SPPL3: variants seen among roughly 807,000 people sequenced by gnomAD.
SPPL3 encodes the protein signal peptide peptidase-like 3.
SPPL3 carries 5 observed loss-of-function variants against 42.4 expected under a neutral mutation model. The observed-to-expected ratio is 0.12, with a 90% confidence interval of 0.06 to 0.25. The LOEUF (loss-of-function observed/expected upper bound fraction) is 0.25, where lower values mean the gene tolerates loss of function less well. SPPL3 is among the 10% of genes least tolerant of loss of function. SPPL3 has a pLI of 1.00. For missense variants in SPPL3, 235 were observed against 489.0 expected, an observed-to-expected ratio of 0.48 and a Z score of 4.90; for synonymous variants, 195 against 181.8, an observed-to-expected ratio of 1.07 and a Z score of -0.58.
chr12:120,842,210 T>C (rs1356243956), intron 1 of SPPL3, among the ~76,000 whole-genome samples: 3 of 152,156 alleles, frequency 2.0e-5, no homozygotes, highest in East Asian at 1.9e-4. Context: ...ATTTTTTAGG[T>C]AGATAAGAAG....
At chr12:120,819,275 G>T (rs1392387461) in intron 1 of SPPL3, among the ~76,000 whole-genome samples, 2 of 152,028 alleles carry the variant, frequency 1.3e-5, no homozygotes, top group Non-Finnish European at 2.9e-5. Flanking sequence ...CCTGAACTTT[G>T]TGTGAATCTT....
intron 7 of SPPL3, 126 bp from the exon 8 acceptor site, chr12:120,768,614 T>G: frequency 8.9e-7 from 1 of 1,125,964 alleles, no homozygotes. Context: ...GTTGACTGTA[T>G]GATTTGAGAA....
At chr12:120,894,239 A>T (rs200319719) in intron 1 of SPPL3, among the ~76,000 whole-genome samples, 4 of 152,130 alleles carry the variant, frequency 2.6e-5, no homozygotes, top group African/African-American at 9.7e-5. Context: ...CAGGAGAATC[A>T]CTTGAACCCG....
In SPPL3 at chr12:120,763,876, AAAAAAAAATAC is replaced by A. The variant is rs1293149849; in HGVS notation, c.*1112_*1122del. ...GCACACCAATGAAACAAAATGTCAAAAAAAAAAATACAAAAAAATAGAAAATAGAAAAATGT... is the reference window on the plus strand; with the variant it reads ...GCACACCAATGAAACAAAATGTCAAAAAAAAAATAGAAAATAGAAAAATGT... On this transcript the variant is annotated 3_prime_UTR_variant, in exon 11 of 11. Coordinates refer to ENST00000353487, the MANE Select transcript of SPPL3 (RefSeq NM_139015.5). 5.5e-5 allele frequency: 2 copies of A among 36,350 alleles called. No individual in the cohort carries two copies. The highest frequency in any genetic ancestry group is 1.8e-4 in the African/African-American group (2 of 10,918). 2.3% of individuals were successfully genotyped at this position (36,350 alleles called of 1,614,324 possible).
chr12:120,851,821 C>CTT (rs996158088), intron 1 of SPPL3, among the ~76,000 whole-genome samples: 5 of 152,148 alleles, frequency 3.3e-5, no homozygotes. Context: ...CTAGGCTGGA[C>CTT]TTGAACTCCT....
chr12:120,796,968 GA>G (rs772202495), intron 2 of SPPL3, among the ~76,000 whole-genome samples: 31 of 152,106 alleles, frequency 2.0e-4, no homozygotes, highest in Admixed American at 4.6e-4. Flanking sequence ...TCAGGAGTTC[GA>G]GACCAGCCTG....
At chr12:120,779,268 A>T (rs773411734) in intron 6 of SPPL3, among the ~76,000 whole-genome samples, 1 of 152,198 alleles carries the variant, frequency 6.6e-6, no homozygotes, top group Non-Finnish European at 1.5e-5. Context: ...CTGGGCTCAG[A>T]CAATGATGAA....
chr12:120,882,194 G>C lies in SPPL3; in HGVS notation c.23+21651C>G, dbSNP rs918579879. On this transcript the variant is annotated intron_variant, in intron 1 of 10. Transcript: ENST00000353487. ...CAGTTTGACATTTGATAACCATCTT[G>C]GTTATCAGATTGAATAAACAGTATA... 9.9e-5 allele frequency among the ~76,000 whole-genome samples: 15 copies of C among 152,106 alleles called. 1 individual carries two copies. In the Middle Eastern group the frequency reaches 0.01, roughly 103 times the overall value.
chr12:120,894,387 C>T (rs1873736498), intron 1 of SPPL3, among the ~76,000 whole-genome samples: 1 of 152,194 alleles, frequency 6.6e-6, no homozygotes, highest in Non-Finnish European at 1.5e-5. Flanking sequence ...TCAGAGTATA[C>T]AGTCAAAGGC....
At chr12:120,771,557 C>CTTCT (rs386377943) in intron 6 of SPPL3, among the ~76,000 whole-genome samples, 3 of 151,606 alleles carry the variant, frequency 2.0e-5, no homozygotes, top group Admixed American at 6.6e-5. Flanking sequence ...ATAATTTCTT[C>CTTCT]TTTTTTTTAA....
chr12:120,857,355 A>G (rs1354153442), intron 1 of SPPL3, among the ~76,000 whole-genome samples: 3 of 152,202 alleles, frequency 2.0e-5, no homozygotes, highest in African/African-American at 7.2e-5. Flanking sequence ...GAGAAACAGG[A>G]ATGCTTTTAC....
intron 8 of SPPL3, 126 bp from the exon 9 acceptor site, chr12:120,767,719 T>C: frequency 1.1e-6 from 1 of 936,746 alleles, no homozygotes. Flanking sequence ...GGAAATCTCT[T>C]CTGATGGAAC....
intron 1 of SPPL3, among the ~76,000 whole-genome samples, chr12:120,834,074 T>C (rs1249198103): frequency 4.6e-5 from 7 of 152,170 alleles, no homozygotes; most frequent in Non-Finnish European, 1.5e-5. Flanking sequence ...ATTATAGTAT[T>C]TGGCCTGTAA....
In SPPL3 at chr12:120,764,320, AT is replaced by A. The variant is rs2136963121; in HGVS notation, c.*678del. On this transcript the variant is annotated 3_prime_UTR_variant, in exon 11 of 11. Coordinates refer to ENST00000353487, the MANE Select transcript of SPPL3 (RefSeq NM_139015.5). The stretch of plus-strand genomic sequence containing the variant: ...TTCATATATATCTATGTGTGTGTTT[AT>A]ATATATATATGTACGTATGTATAAA... The A allele has an allele frequency of 7.5e-6, 1 of 133,806 alleles. No individual in the cohort carries two copies. The highest frequency in any genetic ancestry group is 7.8e-5 in the Admixed American group (1 of 12,784). The allele number at this position is 133,806 out of a possible 1,614,324, so 8.3% of individuals were successfully genotyped here.
At chr12:120,794,714 G>A (rs963231643) in intron 2 of SPPL3, among the ~76,000 whole-genome samples, 1 of 152,142 alleles carries the variant, frequency 6.6e-6, no homozygotes, top group Admixed American at 6.6e-5. Context: ...TTTTAAAGAG[G>A]TGTGTAGACC....
intron 2 of SPPL3, among the ~76,000 whole-genome samples, chr12:120,804,280 T>C (rs1216273922): frequency 6.6e-6 from 1 of 152,160 alleles, no homozygotes. Flanking sequence ...AGGAACATTT[T>C]ATAAAAGTCA....
intron 1 of SPPL3, among the ~76,000 whole-genome samples, chr12:120,844,619 ACCCAACTCATT>A (rs1159701393): frequency 6.6e-6 from 1 of 151,912 alleles, no homozygotes; most frequent in Non-Finnish European, 1.5e-5. Context: ...GCTTTTTAAT[ACCCAACTCATT>A]CCCACCGTAG....
chr12:120,818,737 T>C (rs1235249893), intron 1 of SPPL3, among the ~76,000 whole-genome samples: 2 of 152,230 alleles, frequency 1.3e-5, no homozygotes, highest in African/African-American at 4.8e-5. Context: ...ATTTACACTC[T>C]TAAAATTGAG....
intron 1 of SPPL3, among the ~76,000 whole-genome samples, chr12:120,854,831 C>T (rs573903028): frequency 3.9e-5 from 6 of 152,200 alleles, no homozygotes; most frequent in Admixed American, 3.9e-4. Flanking sequence ...GTTTCCAAAG[C>T]GGGGCATTTG....
Sources: gnomAD v4.1 joint callset for allele counts (sites outside exome capture counted in the v4.1 genomes callset) on GRCh38, gnomAD v4.1.1 for gene constraint, MANE v1.5 for transcripts, NCBI Gene and HGNC (gene_info 2026-07-23, HGNC 2026-07-21) for gene names.